The following ATP10B variants were observed in gnomAD, a reference collection of about 807,000 sequenced individuals.
The protein encoded by ATP10B is phospholipid-transporting ATPase VB.
A neutral mutation model predicts 141.2 loss-of-function variants in ATP10B; 122 were observed. The ratio of observed to expected loss-of-function variants is 0.86; its 90% CI spans 0.75 to 1.00. The LOEUF (loss-of-function observed/expected upper bound fraction) is 1.00. ATP10B is among the 50% of genes least tolerant of loss of function. The pLI, the probability that ATP10B is intolerant of heterozygous loss-of-function variation, is 0.00. For missense variants in ATP10B, 1,876 were observed against 1,825.3 expected (o/e 1.03, Z -0.51); for synonymous variants, 685 against 692.0 (o/e 0.99, Z 0.16).
rs573809527 is a variant in ATP10B at position 160,636,810 on chromosome 5, G to A, written c.1001-501C>T. Among the ~76,000 whole-genome samples, 23 of 137,660 alleles carry A rather than the reference G, an allele frequency of 1.7e-4. No individual in the cohort carries two copies. In the South Asian group the frequency reaches 4.4e-3, roughly 26 times the overall value. The allele number at this position is 137,660 out of a possible 152,430, so 90.3% of individuals were successfully genotyped here. A position where few individuals can be genotyped will look rare whatever the true frequency, so the allele number is the denominator to read the frequency against. ...CATCCACCTACCCATCTACTCACCC[G>A]TCCATCCACCCATCCATCAATTCTT... On this transcript the variant is annotated intron_variant, in intron 10 of 25. Transcript: ENST00000327245.
intron 2 of ATP10B, among the ~76,000 whole-genome samples, chr5:160,742,204 A>G (rs1486387464): frequency 6.6e-6 from 1 of 152,158 alleles, no homozygotes. Context: ...GAAATATGTG[A>G]GGTGACAAAT....
intron 22 of ATP10B, among the ~76,000 whole-genome samples, chr5:160,596,219 G>C (rs761831332): frequency 1.3e-5 from 2 of 152,166 alleles, no homozygotes; most frequent in East Asian, 1.9e-4. Flanking sequence ...TCATCCCTGG[G>C]ATGCAAGGCT....
At chr5:160,582,675 T>C (rs1201475816) in intron 24 of ATP10B, among the ~76,000 whole-genome samples, 1 of 152,194 alleles carries the variant, frequency 6.6e-6, no homozygotes, top group East Asian at 1.9e-4. Flanking sequence ...GAAGAGTGTT[T>C]TCCAAGTTGG....
At chr5:160,898,696 G>A in the ATP10B span, among the ~76,000 whole-genome samples, 3 of 152,250 alleles carry the variant, frequency 2.0e-5, no homozygotes, top group East Asian at 1.9e-4. Flanking sequence ...ACATGCACAC[G>A]TATATTTATT....
intron 2 of ATP10B, among the ~76,000 whole-genome samples, chr5:160,738,691 C>A: frequency 6.6e-6 from 1 of 151,944 alleles, no homozygotes; most frequent in East Asian, 1.9e-4. Context: ...GAAGAAGAAA[C>A]AACAACAAAA....
chr5:160,848,267 G>GATGT (rs1236061322), intron 1 of ATP10B, among the ~76,000 whole-genome samples: 1 of 152,158 alleles, frequency 6.6e-6, no homozygotes, highest in Non-Finnish European at 1.5e-5. Context: ...AGAGAATAAG[G>GATGT]ATGTAGCAAG....
chr5:160,620,407 C>T lies in ATP10B; in HGVS notation c.2356G>A (p.Val786Ile). ...VVRHPLTGEI[V>I]VYTKGADSVI... The stretch of plus-strand genomic sequence containing the variant: ...GAGTCAGCACCCTTGGTGTAGACAA[C>T]AATCTCGCCAGTCAGTGGGTGCCTC... The change falls in exon 15 of 26, where the codon GTT becomes ATT. Residue 786 changes from valine (V) to isoleucine (I), a missense_variant. Coordinates refer to ENST00000327245, the MANE Select transcript of ATP10B (RefSeq NM_025153.3). 6.2e-7 allele frequency: 1 copy of T among 1,614,188 alleles called. No homozygotes were observed. Among genetic ancestry groups the T allele is most frequent in the Non-Finnish European group, 8.5e-7 (1 of 1,179,998 alleles).
chr5:160,838,945 G>A (rs1320696783), intron 1 of ATP10B, among the ~76,000 whole-genome samples: 1 of 152,068 alleles, frequency 6.6e-6, no homozygotes, highest in Non-Finnish European at 1.5e-5. Flanking sequence ...AAAAGAGTCT[G>A]GGACCTCCCC....
intron 3 of ATP10B, among the ~76,000 whole-genome samples, chr5:160,704,914 C>CTTTCTT (rs1764896755): frequency 1.2e-5 from 1 of 83,624 alleles, no homozygotes; most frequent in Non-Finnish European, 2.0e-5. Context: ...TTTCTTTCAT[C>CTTTCTT]TTTTTTTTTT....
the ATP10B span, among the ~76,000 whole-genome samples, chr5:160,881,093 A>C: frequency 3.3e-5 from 5 of 152,352 alleles, no homozygotes; most frequent in East Asian, 5.8e-4. Context: ...AATCAACAAG[A>C]AAGCAAGCAA....
chr5:160,612,870 A>T lies in ATP10B; in HGVS notation c.2709T>A (p.Thr903=), dbSNP rs1338380882. ...LQEGVPDTIA[T]LREAGIQLWV... ...AGAGCTGGATCCCAGCCTCCCGCAGAGTGGCAATCGTATCTGGAACTCCTT... is the reference window on the plus strand; with the variant it reads ...AGAGCTGGATCCCAGCCTCCCGCAGTGTGGCAATCGTATCTGGAACTCCTT... The change falls in exon 18 of 26, where the codon ACT becomes ACA. Residue 903 remains threonine, a synonymous_variant. Coordinates refer to ENST00000327245, the MANE Select transcript of ATP10B (RefSeq NM_025153.3). The T allele has an allele frequency of 2.5e-6, 4 of 1,613,968 alleles. No individual in the cohort carries two copies. Among genetic ancestry groups the T allele is most frequent in the Non-Finnish European group, 3.4e-6 (4 of 1,179,944 alleles).
intron 6 of ATP10B, among the ~76,000 whole-genome samples, chr5:160,675,302 AT>A (rs35108775): frequency 0.58 from 88,465 of 151,852 alleles, 27,362 homozygotes; most frequent in Middle Eastern, 0.74. Flanking sequence ...AATAAGACAA[AT>A]CAACATGGCT....
In ATP10B at chr5:160,739,355, A is replaced by C. The variant is rs1767317469; in HGVS notation, c.-330-22321T>G. Among the ~76,000 whole-genome samples, 3 of 152,362 alleles carry C rather than the reference A, an allele frequency of 2.0e-5. No homozygotes were observed. The South Asian group carries it at 6.2e-4, about 32-fold the overall frequency. ...AGTGCAATAAGGCAGACAAACAGACAATAGTCATATAGAATTAAAAGAGGT... is the reference window on the plus strand; with the variant it reads ...AGTGCAATAAGGCAGACAAACAGACCATAGTCATATAGAATTAAAAGAGGT... On this transcript the variant is annotated intron_variant, in intron 2 of 25. Coordinates refer to ENST00000327245, the MANE Select transcript of ATP10B (RefSeq NM_025153.3).
intron 1 of ATP10B, among the ~76,000 whole-genome samples, chr5:160,795,140 TATTTC>T (rs759482626): frequency 2.0e-4 from 30 of 152,344 alleles, no homozygotes; most frequent in Admixed American, 8.5e-4. Context: ...GTACATAAGC[TATTTC>T]ATTTATCTTT....
intron 2 of ATP10B, among the ~76,000 whole-genome samples, chr5:160,753,571 G>C (rs1263916397): frequency 3.3e-5 from 5 of 152,106 alleles, no homozygotes; most frequent in Non-Finnish European, 7.4e-5. Flanking sequence ...GGGGTTCCTT[G>C]GAAATTCTTA....
chr5:160,594,236 A>G (rs574632344), intron 22 of ATP10B, among the ~76,000 whole-genome samples: 2 of 152,360 alleles, frequency 1.3e-5, no homozygotes, highest in East Asian at 3.9e-4. Context: ...CCAATATTCA[A>G]CATTCTTAAA....
At chr5:160,793,878 A>G (rs950768805) in intron 1 of ATP10B, among the ~76,000 whole-genome samples, 1 of 152,196 alleles carries the variant, frequency 6.6e-6, no homozygotes, top group Non-Finnish European at 1.5e-5. Context: ...TTGTCTTACA[A>G]TTACCTACAG....
intron 1 of ATP10B, among the ~76,000 whole-genome samples, chr5:160,832,964 C>G (rs7701820): frequency 0.01 from 1,523 of 152,226 alleles, 32 homozygotes; most frequent in African/African-American, 0.035. Context: ...ACTCTCCAAC[C>G]CTTTTCATGG....
chr5:160,877,999 C>G, the ATP10B span, among the ~76,000 whole-genome samples: 1 of 151,942 alleles, frequency 6.6e-6, no homozygotes, highest in Non-Finnish European at 1.5e-5. Flanking sequence ...ATCAAGCTAC[C>G]AATGATTTTC....
Sources: allele counts gnomAD v4.1 joint callset (sites outside exome capture counted in the v4.1 genomes callset), GRCh38; gene constraint gnomAD v4.1.1; transcripts MANE v1.5; gene names NCBI Gene and HGNC (gene_info 2026-07-23, HGNC 2026-07-21).